The following AJM1 variants were observed in gnomAD, a reference collection of about 807,000 sequenced individuals.
The protein encoded by AJM1 is uncharacterized protein C9orf172.
AJM1 carries 22 observed loss-of-function variants against 43.0 expected under a neutral mutation model. That is an observed-to-expected ratio of 0.51 (90% CI 0.37 to 0.73). AJM1 has a LOEUF of 0.73. AJM1 is among the 30% of genes least tolerant of loss of function. The pLI is 0.00. For missense variants in AJM1, 1,305 were observed against 1,343.3 expected (o/e 0.97, Z 0.45); for synonymous variants, 719 against 638.3 (o/e 1.13, Z -1.91).
Position 136,847,362 on chromosome 9 carries a change from G to C in AJM1, c.*17G>C. ...ATCATGTGAGGCGCCGGGCCCACCAGGCCTAGCCCAGGCGCTGGCCCGAAC... is the reference window on the plus strand; with the variant it reads ...ATCATGTGAGGCGCCGGGCCCACCACGCCTAGCCCAGGCGCTGGCCCGAAC... On this transcript the variant is annotated 3_prime_UTR_variant, in exon 3 of 3. Coordinates refer to ENST00000436881, the MANE Select transcript of AJM1 (RefSeq NM_001080482.5). 1 of 1,484,932 alleles carries C rather than the reference G, an allele frequency of 6.7e-7. No homozygotes were observed. The highest frequency in any genetic ancestry group is 8.9e-7 in the Non-Finnish European group (1 of 1,118,946). The allele number at this position is 1,484,932 out of a possible 1,614,324, so 92.0% of individuals were successfully genotyped here.
intron 1 of AJM1, among the ~76,000 whole-genome samples, 46 bp downstream of exon 1, chr9:136,842,635 C>T (rs1432496170): frequency 2.0e-5 from 3 of 152,184 alleles, no homozygotes; most frequent in Non-Finnish European, 4.4e-5. Context: ...CCGTCATGGG[C>T]GGGGGAAGCT....
chr9:136,843,011 G>T (rs1268655175), intron 1 of AJM1, among the ~76,000 whole-genome samples: 1 of 148,204 alleles, frequency 6.7e-6, no homozygotes, highest in Non-Finnish European at 1.5e-5. Context: ...GGGAGATGGG[G>T]GGGTGGGCGG....
chr9:136,847,399 C>T lies in AJM1; in HGVS notation c.*54C>T. The T allele has an allele frequency of 7.4e-7, 1 of 1,354,844 alleles. No individual in the cohort carries two copies. The allele number at this position is 1,354,844 out of a possible 1,614,324, so 83.9% of individuals were successfully genotyped here. ...GCGCTGGCCCGAACCCTGCCCTGCC[C>T]ACTCAGGCCCCGCCCGGCCCACCCA... On this transcript the variant is annotated 3_prime_UTR_variant, in exon 3 of 3. Coordinates refer to ENST00000436881, the MANE Select transcript of AJM1 (RefSeq NM_001080482.5).
Position 136,846,603 on chromosome 9 carries a change from G to A in AJM1, c.2189G>A (p.Gly730Asp). The A allele has an allele frequency of 6.3e-7, 1 of 1,592,370 alleles. No homozygotes were observed. The highest frequency in any genetic ancestry group is 8.5e-7 in the Non-Finnish European group (1 of 1,175,430). ...RHVLQFCRDS[G>D]PVHRAFSRIA... ...GTACTGCAGTTTTGCCGCGACAGCG[G>A]CCCGGTGCACCGCGCTTTCTCGCGC... The change falls in exon 3 of 3, where the codon GGC (glycine) becomes GAC (aspartate). Residue 730 changes from glycine (G) to aspartate (D), a missense_variant. By Grantham distance (94) the Gly-to-Asp change is moderately conservative (BLOSUM62 -1). Around this residue, in one of 6 missense-constraint regions of AJM1, gnomAD observed 391 missense variants for 507.5 expected, o/e 0.77. Coordinates refer to ENST00000436881, the MANE Select transcript of AJM1 (RefSeq NM_001080482.5).
rs369546214 is a variant in AJM1 at position 136,844,475 on chromosome 9, G to C, written c.61G>C (p.Ala21Pro). The change falls in exon 3 of 3, where the codon GCG becomes CCG. Residue 21 changes from alanine (A) to proline (P), a missense_variant. Ala to Pro is a conservative substitution (Grantham distance 27). This residue lies in a region of AJM1 where 128 missense variants were observed against 120.6 expected (regional missense o/e 1.06). Coordinates refer to ENST00000436881, the MANE Select transcript of AJM1 (RefSeq NM_001080482.5). ...VSTVYQDIKV[A>P]TPGPASKCSP... ...GACCGTGTACCAGGACATCAAGGTGGCGACCCCGGGACCCGCGTCCAAGTG... is the reference window on the plus strand; with the variant it reads ...GACCGTGTACCAGGACATCAAGGTGCCGACCCCGGGACCCGCGTCCAAGTG... 7.4e-6 allele frequency: 12 copies of C among 1,611,452 alleles called. No individual in the cohort carries two copies. The highest frequency in any genetic ancestry group is 1.0e-5 in the Non-Finnish European group (12 of 1,179,296).
Position 136,845,471 on chromosome 9 carries a change from G to A in AJM1, c.1057G>A (p.Gly353Ser), listed in dbSNP as rs1848758905. Residue 353 changes from glycine to serine, a missense_variant, in exon 3 of 3, where the codon GGC becomes AGC. By Grantham distance (56) the Gly-to-Ser change is moderately conservative (BLOSUM62 0). Coordinates refer to ENST00000436881, the MANE Select transcript of AJM1 (RefSeq NM_001080482.5). ...CTATGGGGAGGCTCCACGAGCCTAC[G>A]GCCTGCCCTACGGGCCCCGCTATGT... Reference protein sequence around the residue: ...SYYGEAPRAYGLPYGPRYVPE... With the variant: ...SYYGEAPRAYSLPYGPRYVPE... The A allele has an allele frequency of 1.2e-6, 2 of 1,608,990 alleles. No individual in the cohort carries two copies. Among genetic ancestry groups the A allele is most frequent in the East Asian group, 2.2e-5 (1 of 44,646 alleles).
Position 136,845,345 on chromosome 9 carries a change from C to G in AJM1, c.931C>G (p.Pro311Ala), listed in dbSNP as rs776078721. 6.2e-7 allele frequency: 1 copy of G among 1,612,436 alleles called. No individual in the cohort carries two copies. The highest frequency in any genetic ancestry group is 1.7e-5 in the Admixed American group (1 of 60,030). The change falls in exon 3 of 3, where the codon CCG becomes GCG. Residue 311 changes from proline to alanine, a missense_variant. Pro to Ala is a conservative substitution (Grantham distance 27, BLOSUM62 -1). Coordinates refer to ENST00000436881, the MANE Select transcript of AJM1 (RefSeq NM_001080482.5). The stretch of plus-strand genomic sequence containing the variant: ...CGACGCCTACTACCCCAGGCCCTAT[C>G]CGTCCGAGGAGCTCTCGGGGCCCAG... ...TFDAYYPRPY[P>A]SEELSGPSPR...
Position 136,845,551 on chromosome 9 carries a change from C to T in AJM1, c.1137C>T (p.Phe379=), listed in dbSNP as rs756566872. The T allele has an allele frequency of 3.1e-6, 5 of 1,593,920 alleles. No individual in the cohort carries two copies. The African/African-American group carries it at 5.4e-5, about 17-fold the overall frequency. The part of the protein sequence containing the change: ...STARPFYTED[F]GRYRERDVLA... ...CCCGCCCCTTTTACACGGAGGACTT[C>T]GGAAGGTACCGCGAGCGTGACGTCC... is the stretch of plus-strand genomic sequence containing the variant. The change falls in exon 3 of 3, where the codon TTC becomes TTT. Residue 379 remains phenylalanine (F), a synonymous_variant. Coordinates refer to ENST00000436881, the MANE Select transcript of AJM1 (RefSeq NM_001080482.5).
At position 136,845,853 on chromosome 9, in the gene AJM1, C is replaced by T. The variant is rs1275943382; in HGVS notation, c.1439C>T (p.Pro480Leu). Reference sequence around the variant, plus strand: ...CTGCTGGGGCGCGAGGTGCGGGAGCCGCGAGGCGTGTCCCCCGAAGGCCGG... The same window carrying T: ...CTGCTGGGGCGCGAGGTGCGGGAGCTGCGAGGCGTGTCCCCCGAAGGCCGG... Reference protein sequence around the residue: ...ENLLGREVREPRGVSPEGRRP... With the variant: ...ENLLGREVRELRGVSPEGRRP... The change falls in exon 3 of 3, where the codon CCG becomes CTG. Residue 480 changes from proline (P) to leucine (L), a missense_variant. Physicochemically the swap from Pro to Leu is moderately conservative, Grantham distance 98 (BLOSUM62 -3). Around this residue, in one of 6 missense-constraint regions of AJM1, gnomAD observed 653 missense variants for 549.1 expected, o/e 1.19. Transcript: ENST00000436881. The T allele has an allele frequency of 2.6e-6, 4 of 1,559,324 alleles. No homozygotes were observed. The highest frequency in any genetic ancestry group is 3.8e-5 in the Admixed American group (2 of 52,986).
chr9:136,845,602 C>T lies in AJM1; in HGVS notation c.1188C>T (p.Arg396=). 1.3e-6 allele frequency: 2 copies of T among 1,584,254 alleles called. No individual in the cohort carries two copies. The highest frequency in any genetic ancestry group is 1.7e-6 in the Non-Finnish European group (2 of 1,170,386). The change falls in exon 3 of 3, where the codon CGC becomes CGT. Residue 396 remains arginine (R), a synonymous_variant. Transcript: ENST00000436881. ...DVLARTYPHP[R]SSPAWADWGP... ...TGGCTCGGACGTACCCGCACCCGCG[C>T]AGCAGCCCGGCCTGGGCGGACTGGG...
chr9:136,845,992 C>G lies in AJM1; in HGVS notation c.1578C>G (p.Asn526Lys), dbSNP rs1177368709. The G allele has an allele frequency of 6.4e-7, 1 of 1,552,702 alleles. No homozygotes were observed. The highest frequency in any genetic ancestry group is 1.2e-5 in the South Asian group (1 of 84,248). ...KGRAGEGLGR[N>K]WYVTPEITIT... is the part of the protein sequence containing the mutation. ...GCGCGGGCGAGGGCCTGGGCCGCAA[C>G]TGGTACGTGACGCCCGAGATCACCA... The change falls in exon 3 of 3, where the codon AAC (asparagine) becomes AAG (lysine). Residue 526 changes from asparagine to lysine, a missense_variant. Asn to Lys is a moderately conservative substitution (Grantham distance 94). Coordinates refer to ENST00000436881, the MANE Select transcript of AJM1 (RefSeq NM_001080482.5).
Position 136,847,387 on chromosome 9 carries a change from C to G in AJM1, c.*42C>G, listed in dbSNP as rs1187687170. 13 of 1,389,562 alleles carry G rather than the reference C, an allele frequency of 9.4e-6. No homozygotes were observed. Among genetic ancestry groups the G allele is most frequent in the Non-Finnish European group, 1.1e-5 (12 of 1,066,822 alleles). 86.1% of individuals were successfully genotyped at this position (1,389,562 alleles called of 1,614,324 possible). A position where few individuals can be genotyped will look rare whatever the true frequency, so the allele number is the denominator to read the frequency against. On this transcript the variant is annotated 3_prime_UTR_variant, in exon 3 of 3. Transcript: ENST00000436881. ...GGCCTAGCCCAGGCGCTGGCCCGAACCCTGCCCTGCCCACTCAGGCCCCGC... is the reference window on the plus strand; with the variant it reads ...GGCCTAGCCCAGGCGCTGGCCCGAAGCCTGCCCTGCCCACTCAGGCCCCGC...
rs752735022 is a variant in AJM1 at position 136,846,355 on chromosome 9, G to A, written c.1941G>A (p.Glu647=). ...GSAEEPAAPG[E]AADASPEPSA... ...CCGAGGAGCCCGCGGCCCCGGGAGA[G>A]GCGGCCGACGCGTCCCCCGAACCCA... is the stretch of plus-strand genomic sequence containing the variant. Residue 647 remains glutamate, a synonymous_variant, in exon 3 of 3, where the codon GAG becomes GAA. Transcript: ENST00000436881. 4 of 1,402,678 alleles carry A rather than the reference G, an allele frequency of 2.9e-6. No homozygotes were observed. The highest frequency in any genetic ancestry group is 1.5e-5 in the African/African-American group (1 of 66,652). The allele number at this position is 1,402,678 out of a possible 1,614,324, so 86.9% of individuals were successfully genotyped here. A position where few individuals can be genotyped will look rare whatever the true frequency, so the allele number is the denominator to read the frequency against.
intron 1 of AJM1, among the ~76,000 whole-genome samples, 114 bp downstream of exon 1, chr9:136,842,703 C>T (rs981761496): frequency 8.5e-5 from 13 of 152,196 alleles, no homozygotes; most frequent in Admixed American, 1.3e-4. Flanking sequence ...CCGGCTGTAT[C>T]CCTTGAAGGG....
chr9:136,842,769 G>A (rs1039165038), intron 1 of AJM1, among the ~76,000 whole-genome samples, 180 bp downstream of exon 1: 5 of 152,126 alleles, frequency 3.3e-5, no homozygotes, highest in Admixed American at 3.3e-4. Context: ...GGGGAAGGCC[G>A]CCAGCCATCT....
Position 136,847,278 on chromosome 9 carries a change from T to TGA in AJM1, c.2865_2866insAG (p.Ala956ArgfsTer145). The stretch of plus-strand genomic sequence containing the variant: ...GGCCGCCCCTTCATGTGCATGATCA[T>TGA]GGCCGCCTCCGAGCCGCGCGCGCTC... On this transcript the variant is annotated frameshift_variant, in exon 3 of 3. Coordinates refer to ENST00000436881, the MANE Select transcript of AJM1 (RefSeq NM_001080482.5). LOFTEE classifies it high-confidence loss of function. 6.3e-7 allele frequency: 1 copy of TGA among 1,577,084 alleles called. No individual in the cohort carries two copies. The highest frequency in any genetic ancestry group is 8.6e-7 in the Non-Finnish European group (1 of 1,167,086).
Position 136,846,282 on chromosome 9 carries a change from C to G in AJM1, c.1868C>G (p.Ala623Gly). The part of the protein sequence containing the change: ...LLDSRPAGSG[A>G]PALAPPRSPP... ...GACTCGCGGCCCGCGGGCTCCGGGG[C>G]CCCCGCGCTGGCGCCGCCACGCTCG... is the stretch of plus-strand genomic sequence containing the variant. The change falls in exon 3 of 3, where the codon GCC (alanine) becomes GGC (glycine). Residue 623 changes from alanine (A) to glycine (G), a missense_variant. By Grantham distance (60) the Ala-to-Gly change is moderately conservative. Around this residue, in one of 6 missense-constraint regions of AJM1, gnomAD observed 391 missense variants for 507.5 expected, o/e 0.77. Transcript: ENST00000436881. 1.7e-6 allele frequency: 2 copies of G among 1,202,120 alleles called. No individual in the cohort carries two copies. The highest frequency in any genetic ancestry group is 2.1e-6 in the Non-Finnish European group (2 of 956,736). The allele number at this position is 1,202,120 out of a possible 1,614,324, so 74.5% of individuals were successfully genotyped here. A position where few individuals can be genotyped will look rare whatever the true frequency, so the allele number is the denominator to read the frequency against.
Position 136,846,285 on chromosome 9 carries a change from C to T in AJM1, c.1871C>T (p.Pro624Leu). ...LDSRPAGSGA[P>L]ALAPPRSPPA... ...TCGCGGCCCGCGGGCTCCGGGGCCCCCGCGCTGGCGCCGCCACGCTCGCCC... is the reference window on the plus strand; with the variant it reads ...TCGCGGCCCGCGGGCTCCGGGGCCCTCGCGCTGGCGCCGCCACGCTCGCCC... The change falls in exon 3 of 3, where the codon CCC (proline) becomes CTC (leucine). Residue 624 changes from proline (P) to leucine (L), a missense_variant. By Grantham distance (98) the Pro-to-Leu change is moderately conservative. Transcript: ENST00000436881. 8.4e-7 allele frequency: 1 copy of T among 1,197,168 alleles called. No individual in the cohort carries two copies. Among genetic ancestry groups the T allele is most frequent in the Non-Finnish European group, 1.0e-6 (1 of 953,942 alleles). The allele number at this position is 1,197,168 out of a possible 1,614,324, so 74.2% of individuals were successfully genotyped here. A position where few individuals can be genotyped will look rare whatever the true frequency, so the allele number is the denominator to read the frequency against.
rs750821040 is a variant in AJM1 at position 136,845,550 on chromosome 9, T to A, written c.1136T>A (p.Phe379Tyr). The change falls in exon 3 of 3, where the codon TTC becomes TAC. Residue 379 changes from phenylalanine to tyrosine, a missense_variant. By Grantham distance (22) the Phe-to-Tyr change is conservative. Around this residue, in one of 6 missense-constraint regions of AJM1, gnomAD observed 653 missense variants for 549.1 expected, o/e 1.19. Coordinates refer to ENST00000436881, the MANE Select transcript of AJM1 (RefSeq NM_001080482.5). Reference protein sequence around the residue: ...STARPFYTEDFGRYRERDVLA... With the variant: ...STARPFYTEDYGRYRERDVLA... ...GCCCGCCCCTTTTACACGGAGGACT[T>A]CGGAAGGTACCGCGAGCGTGACGTC... The A allele has an allele frequency of 1.7e-5, 27 of 1,595,196 alleles. No individual in the cohort carries two copies. Among genetic ancestry groups the A allele is most frequent in the Non-Finnish European group, 2.1e-5 (25 of 1,172,514 alleles).
Sources: allele counts gnomAD v4.1 joint callset (sites outside exome capture counted in the v4.1 genomes callset), GRCh38; gene constraint gnomAD v4.1.1; regional missense constraint gnomAD v4.1.1; transcripts MANE v1.5; gene names NCBI Gene and HGNC (gene_info 2026-07-23, HGNC 2026-07-21).